Variants in PLA2G7 observed in about 807,000 individuals in gnomAD.
PLA2G7 encodes platelet-activating factor acetylhydrolase.
Under a neutral mutation model 49.6 loss-of-function variants are expected in PLA2G7, and 63 were observed. The ratio of observed to expected loss-of-function variants is 1.27; its 90% CI spans 1.04 to 1.57. The LOEUF (loss-of-function observed/expected upper bound fraction) is 1.57. Ranked by LOEUF, PLA2G7 falls within the 40% of genes most tolerant of loss-of-function variation. The pLI, the probability that PLA2G7 is intolerant of heterozygous loss-of-function variation, is 0.00. For synonymous variants in PLA2G7, 193 were observed against 169.9 expected, an observed-to-expected ratio of 1.14 and a Z score of -1.06; for missense variants, 596 against 521.2, an observed-to-expected ratio of 1.14 and a Z score of -1.40.
chr6:46,709,490 T>A, intron 8 of PLA2G7, 72 bp from the exon 9 acceptor site: 1 of 859,114 alleles, frequency 1.2e-6, no homozygotes, highest in Non-Finnish European at 2.0e-6. Context: ...GTCAATCATA[T>A]AATTGTTCAT....
rs368946627 is a variant in PLA2G7 at position 46,704,441 on chromosome 6, TTC to T, written c.*117_*118del. 2.5e-3 allele frequency: 1,353 copies of T among 551,874 alleles called. 1 individual carries two copies. Among genetic ancestry groups the T allele is most frequent in the African/African-American group, 3.1e-3 (156 of 51,044 alleles). The allele number at this position is 551,874 out of a possible 1,614,324, so 34.2% of individuals were successfully genotyped here. On this transcript the variant is annotated 3_prime_UTR_variant, in exon 12 of 12. Transcript: ENST00000274793. ...AGTCCTTTGGGAAAATACATTAAAA[TTC>T]TCTCTCTCTCTCTCTCTCTCTCTCT...
chr6:46,729,438 C>G (rs1765667715), intron 1 of PLA2G7, among the ~76,000 whole-genome samples: 1 of 152,136 alleles, frequency 6.6e-6, no homozygotes, highest in Admixed American at 6.5e-5. Flanking sequence ...GTCATATGTA[C>G]ACACCAAAAT....
At chr6:46,732,172 G>T (rs1281453754) in intron 1 of PLA2G7, among the ~76,000 whole-genome samples, 1 of 152,086 alleles carries the variant, frequency 6.6e-6, no homozygotes, top group African/African-American at 2.4e-5. Context: ...CCTAACTCCA[G>T]CCACACTGGC....
At chr6:46,730,956 A>G (rs1765717844) in intron 1 of PLA2G7, among the ~76,000 whole-genome samples, 1 of 152,234 alleles carries the variant, frequency 6.6e-6, no homozygotes, top group Non-Finnish European at 1.5e-5. Context: ...TCAAGCTGAA[A>G]TTCAGACACA....
chr6:46,726,622 C>T (rs1324737522), intron 1 of PLA2G7, among the ~76,000 whole-genome samples: 1 of 152,018 alleles, frequency 6.6e-6, no homozygotes, highest in Non-Finnish European at 1.5e-5. Context: ...TACCATAACC[C>T]CAATCACTGG....
intron 1 of PLA2G7, 114 bp from the exon 2 acceptor site, chr6:46,723,039 T>G: frequency 3.0e-6 from 2 of 658,482 alleles, no homozygotes; most frequent in South Asian, 3.2e-5. Context: ...ATAAAACATG[T>G]ATTTTCTGTG....
chr6:46,725,004 A>G (rs546844538), intron 1 of PLA2G7, among the ~76,000 whole-genome samples: 19 of 152,336 alleles, frequency 1.2e-4, no homozygotes, highest in African/African-American at 4.3e-4. Context: ...CAGAGAGTTT[A>G]CAATTGTGTT....
rs552761692 is a variant in PLA2G7 at position 46,717,907 on chromosome 6, G to A, written c.110-811C>T. Among the ~76,000 whole-genome samples the A allele has an allele frequency of 2.2e-4, 34 of 151,940 alleles. No individual in the cohort carries two copies. The South Asian group carries it at 2.5e-3, about 11-fold the overall frequency. ...TAATTTTTGTATTTTTAGTAGAGAC[G>A]GGGTTTCACCACGTTGGCCAGAATG... On this transcript the variant is annotated intron_variant, in intron 2 of 11. Coordinates refer to ENST00000274793, the MANE Select transcript of PLA2G7 (RefSeq NM_005084.4).
chr6:46,712,397 A>T, intron 5 of PLA2G7, 60 bp from the exon 6 acceptor site: 8 of 1,266,906 alleles, frequency 6.3e-6, no homozygotes, highest in Non-Finnish European at 9.2e-6. Flanking sequence ...GGCTGAGTCC[A>T]CTAATAAAAC....
At chr6:46,715,992 C>G (rs970998489) in intron 4 of PLA2G7, among the ~76,000 whole-genome samples, 1 of 152,190 alleles carries the variant, frequency 6.6e-6, no homozygotes, top group East Asian at 1.9e-4. Context: ...TGTTTTGGAT[C>G]TGGAGAGTTT....
intron 8 of PLA2G7, 114 bp from the exon 9 acceptor site, chr6:46,709,532 TATAAA>T: frequency 2.9e-6 from 2 of 700,772 alleles, no homozygotes; most frequent in Non-Finnish European, 2.6e-6. Context: ...ATTGATTTCT[TATAAA>T]ATAGAATATA....
At chr6:46,714,583 G>A in intron 4 of PLA2G7, 30 bp from the exon 5 acceptor site, 3 of 1,308,552 alleles carry the variant, frequency 2.3e-6, no homozygotes, top group Non-Finnish European at 2.2e-6. Flanking sequence ...TATAGTTAAG[G>A]TTTTCTCTGA....
intron 1 of PLA2G7, among the ~76,000 whole-genome samples, chr6:46,725,952 C>T (rs536490261): frequency 6.6e-6 from 1 of 152,158 alleles, no homozygotes; most frequent in Non-Finnish European, 1.5e-5. Flanking sequence ...CCCAAAGATA[C>T]AGGGGAAACT....
At chr6:46,720,441 AC>A (rs1765358726) in intron 2 of PLA2G7, among the ~76,000 whole-genome samples, 1 of 152,180 alleles carries the variant, frequency 6.6e-6, no homozygotes, top group South Asian at 2.1e-4. Flanking sequence ...AGGACACCTG[AC>A]CTCTGAGAAG....
chr6:46,714,519 A>T lies in PLA2G7; in HGVS notation c.411T>A (p.Pro137=), dbSNP rs1248455137. The T allele has an allele frequency of 1.9e-6, 3 of 1,612,182 alleles. No individual in the cohort carries two copies. Among genetic ancestry groups the T allele is most frequent in the African/African-American group, 1.3e-5 (1 of 74,782 alleles). Reference sequence around the variant, plus strand: ...GTGGATATTTTTCACCAGGCCTCAGAGGGGAATTCCAGTTTGCAGGAGTTG... The same window carrying T: ...GTGGATATTTTTCACCAGGCCTCAGTGGGGAATTCCAGTTTGCAGGAGTTG... ...SMTTPANWNS[P]LRPGEKYPLV... The change falls in exon 5 of 12, where the codon CCT becomes CCA. Residue 137 remains proline, a synonymous_variant. Coordinates refer to ENST00000274793, the MANE Select transcript of PLA2G7 (RefSeq NM_005084.4).
In PLA2G7 at chr6:46,708,168, A is replaced by T; in HGVS notation, c.870-7T>A. On this transcript the variant is annotated splice_polypyrimidine_tract_variant and splice_region_variant and intron_variant, in intron 9 of 11. Coordinates refer to ENST00000274793, the MANE Select transcript of PLA2G7 (RefSeq NM_005084.4). ...ATCCAGGGCAATACCACATCTGTAG[A>T]TATTTGTTGACAATGATGAAATTAA... 1.9e-6 allele frequency: 3 copies of T among 1,605,432 alleles called. No homozygotes were observed. The highest frequency in any genetic ancestry group is 2.6e-6 in the Non-Finnish European group (3 of 1,172,352).
rs758762812 is a variant in PLA2G7 at position 46,704,666 on chromosome 6, C to G, written c.1220G>C (p.Cys407Ser). Reference protein sequence around the residue: ...GLHKDFDQWDCLIEGDDENLI... With the variant: ...GLHKDFDQWDSLIEGDDENLI... ...ATTCTCATCATCTCCTTCAATCAAG[C>G]AGTCCCACTGATCAAAATCTTTATG... The change falls in exon 12 of 12, where the codon TGC (cysteine) becomes TCC (serine). Residue 407 changes from cysteine to serine, a missense_variant. Coordinates refer to ENST00000274793, the MANE Select transcript of PLA2G7 (RefSeq NM_005084.4). 6 of 1,579,972 alleles carry G rather than the reference C, an allele frequency of 3.8e-6. No homozygotes were observed. The highest frequency in any genetic ancestry group is 4.4e-6 in the Non-Finnish European group (5 of 1,148,708).
At chr6:46,714,365 C>T in intron 5 of PLA2G7, 95 bp downstream of exon 5, 6 of 821,508 alleles carry the variant, frequency 7.3e-6, no homozygotes, top group Non-Finnish European at 1.1e-5. Flanking sequence ...AGACAAGGGC[C>T]TGCATGACAT....
chr6:46,710,841 G>A (rs1284785344), intron 7 of PLA2G7, among the ~76,000 whole-genome samples, 183 bp from the exon 8 acceptor site: 4 of 152,160 alleles, frequency 2.6e-5, no homozygotes, highest in Admixed American at 2.6e-4. Flanking sequence ...GTATAGCTTA[G>A]TCCAAATCCT....
Sources: allele counts gnomAD v4.1 joint callset (sites outside exome capture counted in the v4.1 genomes callset), GRCh38; gene constraint gnomAD v4.1.1; transcripts MANE v1.5; gene names NCBI Gene and HGNC (gene_info 2026-07-23, HGNC 2026-07-21).